TUSC3: variants seen among roughly 807,000 people sequenced by gnomAD.
The protein encoded by TUSC3 is tumor suppressor candidate 3.
Under a neutral mutation model 44.8 loss-of-function variants are expected in TUSC3, and 45 were observed. The ratio of observed to expected loss-of-function variants is 1.00; its 90% CI spans 0.79 to 1.29. The LOEUF (loss-of-function observed/expected upper bound fraction) is 1.29, where lower values mean the gene tolerates loss of function less well. Ranked by LOEUF, TUSC3 falls within the 50% of genes most tolerant of loss-of-function variation. TUSC3 has a pLI of 0.00. For missense variants in TUSC3, 519 were observed against 437.9 expected, an observed-to-expected ratio of 1.19 and a Z score of -1.65; for synonymous variants, 212 against 152.9, an observed-to-expected ratio of 1.39 and a Z score of -2.85.
At chr8:15,618,944 A>AT (rs1805117953) in intron 1 of TUSC3, among the ~76,000 whole-genome samples, 1 of 152,102 alleles carries the variant, frequency 6.6e-6, no homozygotes, top group Non-Finnish European at 1.5e-5. Context: ...TTGTTAAGTG[A>AT]TTAACATCAC....
chr8:15,796,252 G>C, the TUSC3 span, among the ~76,000 whole-genome samples: 1 of 152,138 alleles, frequency 6.6e-6, no homozygotes, highest in African/African-American at 2.4e-5. Context: ...ACTTCCAGCT[G>C]GTCTTACCAG....
At chr8:15,520,930 C>G (rs1158847696) in intron 2 of TUSC3, among the ~76,000 whole-genome samples, 3 of 152,150 alleles carry the variant, frequency 2.0e-5, no homozygotes, top group Non-Finnish European at 4.4e-5. Flanking sequence ...CAAAGTGGAG[C>G]CTGAAATAAA....
intron 2 of TUSC3, among the ~76,000 whole-genome samples, chr8:15,644,959 G>A (rs1474624130): frequency 6.6e-6 from 1 of 152,088 alleles, no homozygotes; most frequent in African/African-American, 2.4e-5. Flanking sequence ...TAAGTATATT[G>A]TCTACAAAAT....
At chr8:15,446,127 C>T (rs921883394) in intron 1 of TUSC3, among the ~76,000 whole-genome samples, 18 of 150,648 alleles carry the variant, frequency 1.2e-4, no homozygotes, top group African/African-American at 3.7e-4. Flanking sequence ...AGATCCCAGA[C>T]GGGGTCGCGG....
intron 6 of TUSC3, among the ~76,000 whole-genome samples, chr8:15,682,408 AT>A (rs1808464364): frequency 6.6e-6 from 1 of 152,068 alleles, no homozygotes; most frequent in Admixed American, 6.6e-5. Flanking sequence ...ACTCTTTATC[AT>A]TATGTAATTA....
At chr8:15,428,881 G>C (rs191230723) in intron 1 of TUSC3, among the ~76,000 whole-genome samples, 2,178 of 152,264 alleles carry the variant, frequency 0.014, 25 homozygotes, top group Non-Finnish European at 0.021. Context: ...CCCTTTGTCA[G>C]ATGAGTAGGT....
the TUSC3 span, among the ~76,000 whole-genome samples, chr8:15,781,249 G>A: frequency 2.6e-5 from 4 of 152,152 alleles, no homozygotes; most frequent in Non-Finnish European, 4.4e-5. Flanking sequence ...ACTCACTCTC[G>A]GCTTCATGAT....
intron 7 of TUSC3, among the ~76,000 whole-genome samples, chr8:15,741,670 A>G (rs1000460466): frequency 7.9e-5 from 12 of 152,146 alleles, no homozygotes; most frequent in Admixed American, 7.2e-4. Flanking sequence ...CTGGGCTACA[A>G]AGTGAAACTG....
intron 1 of TUSC3, among the ~76,000 whole-genome samples, chr8:15,425,551 T>C (rs977225571): frequency 1.3e-5 from 2 of 152,230 alleles, no homozygotes; most frequent in African/African-American, 4.8e-5. Context: ...AAAAACCCTT[T>C]GTTCTGGCAC....
At chr8:15,657,453 G>A (rs1807223626) in intron 3 of TUSC3, among the ~76,000 whole-genome samples, 1 of 152,178 alleles carries the variant, frequency 6.6e-6, no homozygotes, top group African/African-American at 2.4e-5. Flanking sequence ...GTTCTTTGCA[G>A]TTTGTAAGAA....
intron 6 of TUSC3, among the ~76,000 whole-genome samples, chr8:15,701,412 C>T (rs1268077062): frequency 1.3e-5 from 2 of 151,984 alleles, no homozygotes; most frequent in South Asian, 4.1e-4. Context: ...TTGTAAAATA[C>T]TGTGTATGTG....
the TUSC3 span, among the ~76,000 whole-genome samples, chr8:15,811,856 T>C: frequency 2.6e-5 from 4 of 151,924 alleles, no homozygotes; most frequent in Non-Finnish European, 5.9e-5. Context: ...AAAGCCTGTA[T>C]AAAATAGCCG....
At chr8:15,646,054 A>G (rs1806614001) in intron 2 of TUSC3, among the ~76,000 whole-genome samples, 1 of 152,158 alleles carries the variant, frequency 6.6e-6, no homozygotes, top group Non-Finnish European at 1.5e-5. Flanking sequence ...GACAATCAAT[A>G]TGTAATAAGA....
intron 6 of TUSC3, among the ~76,000 whole-genome samples, chr8:15,717,475 C>G (rs574790197): frequency 1.3e-5 from 2 of 152,038 alleles, no homozygotes; most frequent in Non-Finnish European, 2.9e-5. Context: ...TCATATCTAT[C>G]TCCAGACTCC....
intron 6 of TUSC3, among the ~76,000 whole-genome samples, chr8:15,692,061 G>T (rs963794791): frequency 6.6e-6 from 1 of 152,130 alleles, no homozygotes; most frequent in African/African-American, 2.4e-5. Flanking sequence ...GATTTCAATC[G>T]TGAGCCACCA....
chr8:15,422,975 G>A (rs963122720), intron 1 of TUSC3, among the ~76,000 whole-genome samples: 1 of 152,026 alleles, frequency 6.6e-6, no homozygotes, highest in Non-Finnish European at 1.5e-5. Context: ...CTATGCCACA[G>A]TGTATTTATA....
intron 2 of TUSC3, among the ~76,000 whole-genome samples, chr8:15,630,360 T>G (rs1468015252): frequency 6.6e-6 from 1 of 152,176 alleles, no homozygotes; most frequent in Admixed American, 6.5e-5. Context: ...ACATTACATA[T>G]TAACTAACAT....
At chr8:15,597,425 C>T (rs1219356954) in intron 1 of TUSC3, among the ~76,000 whole-genome samples, 2 of 152,034 alleles carry the variant, frequency 1.3e-5, no homozygotes, top group Non-Finnish European at 1.5e-5. Context: ...GTATGTCTTT[C>T]GGTTATGCTT....
intron 5 of TUSC3, among the ~76,000 whole-genome samples, chr8:15,671,271 A>C (rs1436723060): frequency 2.0e-5 from 3 of 151,992 alleles, no homozygotes; most frequent in African/African-American, 7.2e-5. Context: ...GTTTTGTGAA[A>C]ATTAATCTAG....
Sources: allele counts gnomAD v4.1 joint callset (sites outside exome capture counted in the v4.1 genomes callset), GRCh38; gene constraint gnomAD v4.1.1; transcripts MANE v1.5; gene names NCBI Gene and HGNC (gene_info 2026-07-23, HGNC 2026-07-21).